BMP8B: variants seen among roughly 807,000 people sequenced by gnomAD.
BMP8B encodes the protein bone morphogenetic protein 8b, also known as bone morphogenetic protein 8 (osteogenic protein 2).
BMP8B carries 17 observed loss-of-function variants against 30.3 expected under a neutral mutation model. The ratio of observed to expected loss-of-function variants is 0.56; its 90% CI spans 0.38 to 0.84. The LOEUF (loss-of-function observed/expected upper bound fraction) is 0.84. Among genes scored for constraint, BMP8B ranks in the 40% least tolerant of loss-of-function variants. The pLI is 0.00. For synonymous variants in BMP8B, 131 were observed against 214.7 expected (o/e 0.61, Z 3.41); for missense variants, 253 against 494.6 (o/e 0.51, Z 4.63).
chr1:39,782,910 C>T (rs1650746793), intron 1 of BMP8B, among the ~76,000 whole-genome samples: 1 of 152,160 alleles, frequency 6.6e-6, no homozygotes. Context: ...TCTCTCGCCT[C>T]AGCCGCCTGA....
chr1:39,780,041 G>A (rs1557488809), intron 1 of BMP8B, among the ~76,000 whole-genome samples: 1 of 152,170 alleles, frequency 6.6e-6, no homozygotes, highest in Non-Finnish European at 1.5e-5. Flanking sequence ...CCTCTCCATA[G>A]GGCTGCTCAC....
chr1:39,757,887 T>C lies in BMP8B; in HGVS notation c.*2532A>G, dbSNP rs1463523969. Reference sequence around the variant, plus strand: ...TTTCATTTGGTGACTATCTGGATGATAAAAGTTGCTGAAAGTCTGATGGCC... The same window carrying C: ...TTTCATTTGGTGACTATCTGGATGACAAAAGTTGCTGAAAGTCTGATGGCC... On this transcript the variant is annotated 3_prime_UTR_variant, in exon 7 of 7. Coordinates refer to ENST00000372827, the MANE Select transcript of BMP8B (RefSeq NM_001720.5). 2 of 152,230 alleles carry C rather than the reference T, an allele frequency of 1.3e-5. No homozygotes were observed. Among genetic ancestry groups the C allele is most frequent in the Non-Finnish European group, 2.9e-5 (2 of 68,042 alleles). The allele number at this position is 152,230 out of a possible 1,614,324, so 9.4% of individuals were successfully genotyped here. A position where few individuals can be genotyped will look rare whatever the true frequency, so the allele number is the denominator to read the frequency against.
intron 3 of BMP8B, among the ~76,000 whole-genome samples, chr1:39,766,953 C>A (rs1376574017): frequency 2.0e-5 from 3 of 152,262 alleles, no homozygotes; most frequent in Non-Finnish European, 2.9e-5. Flanking sequence ...GGGCCCAGGG[C>A]AGCCCTCCTG....
intron 1 of BMP8B, among the ~76,000 whole-genome samples, chr1:39,775,445 C>T (rs1406223392): frequency 1.3e-5 from 2 of 152,182 alleles, no homozygotes; most frequent in Non-Finnish European, 2.9e-5. Flanking sequence ...CCCAGCCCTG[C>T]AGGGAAACCT....
chr1:39,776,430 T>C (rs1650236781), intron 1 of BMP8B, among the ~76,000 whole-genome samples: 1 of 152,236 alleles, frequency 6.6e-6, no homozygotes. Context: ...TTGTGAGTCT[T>C]TTTAAAAATT....
chr1:39,779,659 C>G (rs1050433230), intron 1 of BMP8B, among the ~76,000 whole-genome samples: 1 of 152,180 alleles, frequency 6.6e-6, no homozygotes, highest in Non-Finnish European at 1.5e-5. Flanking sequence ...AGGAAGAGAA[C>G]TGAAGAGTCA....
rs535784917 is a variant in BMP8B, at chr1:39,788,625, C to T, written c.-140G>A. 59 of 792,814 alleles carry T rather than the reference C, an allele frequency of 7.4e-5. No individual in the cohort carries two copies. In the African/African-American group the frequency reaches 1.0e-3, roughly 14 times the overall value. 49.1% of individuals were successfully genotyped at this position (792,814 alleles called of 1,614,324 possible). ...CGGCGGGGCGGGGCGGGACGGGCGGCGACCGCGGCCTCAGCGCGGTCCCTG... is the reference window on the plus strand; with the variant it reads ...CGGCGGGGCGGGGCGGGACGGGCGGTGACCGCGGCCTCAGCGCGGTCCCTG... On this transcript the variant is annotated 5_prime_UTR_variant, in exon 1 of 7. Transcript: ENST00000372827. The surrounding 1 kb of genome is among the most constrained non-coding windows in gnomAD (Gnocchi z 5.8).
Position 39,788,212 on chromosome 1 carries a change from C to G in BMP8B, c.274G>C (p.Gly92Arg). The G allele has an allele frequency of 1.3e-6, 2 of 1,572,098 alleles. No homozygotes were observed. The highest frequency in any genetic ancestry group is 1.7e-5 in the Admixed American group (1 of 57,264). ...CCCAGGCGCCGCTCCGCGGGCGCGC[C>G]GTCCTCGTCGTCGTCGCCGGCCATG... is the stretch of plus-strand genomic sequence containing the variant. ...HAMAGDDDED[G>R]APAERRLGRA... Residue 92 changes from glycine to arginine, a missense_variant, in exon 1 of 7, where the codon GGC (glycine) becomes CGC (arginine). This residue lies in a region of BMP8B where 52 missense variants were observed against 68.3 expected (regional missense o/e 0.76). Coordinates refer to ENST00000372827, the MANE Select transcript of BMP8B (RefSeq NM_001720.5). The surrounding 1 kb of genome is among the most constrained non-coding windows in gnomAD (Gnocchi z 5.8).
chr1:39,779,407 G>A (rs1273202649), intron 1 of BMP8B, among the ~76,000 whole-genome samples: 4 of 152,228 alleles, frequency 2.6e-5, no homozygotes, highest in Non-Finnish European at 4.4e-5. Context: ...CATGGGGGGT[G>A]CCAGGAAGAG....
intron 1 of BMP8B, among the ~76,000 whole-genome samples, chr1:39,785,788 T>C (rs1381640859): frequency 3.3e-5 from 5 of 152,310 alleles, no homozygotes; most frequent in African/African-American, 1.2e-4. Context: ...GAGAGCATCC[T>C]GGTATGTGTC....
chr1:39,778,373 C>A (rs1650379622), intron 1 of BMP8B, among the ~76,000 whole-genome samples: 2 of 151,758 alleles, frequency 1.3e-5, no homozygotes, highest in Admixed American at 6.6e-5. Flanking sequence ...TGGCTGGTCC[C>A]ACAGGCAGCA....
rs1188925799 is a variant in BMP8B at position 39,769,156 on chromosome 1, C to T, written c.674-4339G>A. On this transcript the variant is annotated intron_variant, in intron 3 of 6. Transcript: ENST00000372827. Reference sequence around the variant, plus strand: ...GAGATCACTGCATTCCATTGCATTCCAGCCTGAGCGACAGAGCCAGACCCT... The same window carrying T: ...GAGATCACTGCATTCCATTGCATTCTAGCCTGAGCGACAGAGCCAGACCCT... Among the ~76,000 whole-genome samples, 5 of 150,078 alleles carry T rather than the reference C, an allele frequency of 3.3e-5. 1 individual carries two copies. Among genetic ancestry groups the T allele is most frequent in the African/African-American group, 1.2e-4 (5 of 40,482 alleles).
chr1:39,780,873 G>A (rs1650590091), intron 1 of BMP8B, among the ~76,000 whole-genome samples: 1 of 152,218 alleles, frequency 6.6e-6, no homozygotes, highest in African/African-American at 2.4e-5. Flanking sequence ...TCCAGCCTGG[G>A]TGACACAGCG....
chr1:39,760,359 G>T lies in BMP8B; in HGVS notation c.*60C>A. On this transcript the variant is annotated 3_prime_UTR_variant, in exon 7 of 7. Transcript: ENST00000372827. The stretch of plus-strand genomic sequence containing the variant: ...GTCTGGCTGGGTTTGAGGGTTTCCT[G>T]CTTCTGAGGGGCCCGATCCAGATGA... 1 of 1,602,440 alleles carries T rather than the reference G, an allele frequency of 6.2e-7. No individual in the cohort carries two copies. Among genetic ancestry groups the T allele is most frequent in the Non-Finnish European group, 8.5e-7 (1 of 1,176,182 alleles).
intron 1 of BMP8B, among the ~76,000 whole-genome samples, chr1:39,778,075 C>T (rs1243533348): frequency 1.3e-5 from 2 of 152,254 alleles, no homozygotes; most frequent in African/African-American, 4.8e-5. Context: ...ATGGGAGGCT[C>T]GCACGTCAAC....
intron 1 of BMP8B, among the ~76,000 whole-genome samples, chr1:39,777,712 A>G (rs530568768): frequency 6.6e-6 from 1 of 152,342 alleles, no homozygotes; most frequent in East Asian, 1.9e-4. Flanking sequence ...AGCTCAGAGC[A>G]GAATCTTGTG....
intron 3 of BMP8B, chr1:39,771,182 G>T: frequency 1.3e-6 from 2 of 1,545,742 alleles, no homozygotes; most frequent in Non-Finnish European, 1.7e-6. Flanking sequence ...GCAGCCCTGG[G>T]ACAGCGCGAG....
chr1:39,785,925 C>A (rs969289042), intron 1 of BMP8B, among the ~76,000 whole-genome samples: 5 of 152,222 alleles, frequency 3.3e-5, no homozygotes, highest in Non-Finnish European at 7.3e-5. Flanking sequence ...CAGCTGGCTG[C>A]GCCCACCCAC....
In BMP8B at chr1:39,781,292, T is replaced by C. The variant is rs189077486; in HGVS notation, c.335-6254A>G. The stretch of plus-strand genomic sequence containing the variant: ...CTGATGTGTGCAGGGTCCAGGACTG[T>C]TCAGAAGGAACGGCTGCTACTCAAG... On this transcript the variant is annotated intron_variant, in intron 1 of 6. Coordinates refer to ENST00000372827, the MANE Select transcript of BMP8B (RefSeq NM_001720.5). Among the ~76,000 whole-genome samples, 637 of 152,304 alleles carry C rather than the reference T, an allele frequency of 4.2e-3. 7 individuals are homozygous for C. The highest frequency in any genetic ancestry group is 0.015 in the African/African-American group (615 of 41,556).
Sources: allele counts gnomAD v4.1 joint callset (sites outside exome capture counted in the v4.1 genomes callset), GRCh38; gene constraint gnomAD v4.1.1; regional missense constraint gnomAD v4.1.1; non-coding constraint Gnocchi (gnomAD v3.1); transcripts MANE v1.5; gene names NCBI Gene and HGNC (gene_info 2026-07-23, HGNC 2026-07-21).